Variants in FOXO3 observed in about 807,000 individuals in gnomAD.
The protein encoded by FOXO3 is forkhead box O3, also known as forkhead box protein O3.
Under a neutral mutation model 41.9 loss-of-function variants are expected in FOXO3, and 4 were observed. That is an observed-to-expected ratio of 0.10 (90% CI 0.05 to 0.22). The LOEUF is 0.22. Ranked by LOEUF, FOXO3 falls within the 10% of genes least tolerant of loss-of-function variation. The pLI is 1.00. For synonymous variants in FOXO3, 318 were observed against 389.3 expected (o/e 0.82, Z 2.16); for missense variants, 534 against 906.8 (o/e 0.59, Z 5.28).
chr6:108,678,037 C>A (rs1308070541), intron 2 of FOXO3, among the ~76,000 whole-genome samples: 1 of 152,182 alleles, frequency 6.6e-6, no homozygotes, highest in Non-Finnish European at 1.5e-5. Context: ...GTAAAACAAC[C>A]TAAATTCTTC....
chr6:108,674,333 T>C (rs531108725), intron 2 of FOXO3, among the ~76,000 whole-genome samples: 2 of 152,302 alleles, frequency 1.3e-5, no homozygotes, highest in African/African-American at 4.8e-5. Context: ...TTATAGTGCA[T>C]CCATTTAGTA....
chr6:108,560,380 C>T (rs1256539333), upstream of FOXO3, among the ~76,000 whole-genome samples: 1 of 152,236 alleles, frequency 6.6e-6, no homozygotes, highest in African/African-American at 2.4e-5. Context: ...TGGCCGTCCC[C>T]GCCGGGCTCG....
At chr6:108,616,338 T>A (rs555635038) in intron 1 of FOXO3, among the ~76,000 whole-genome samples, 24 of 152,058 alleles carry the variant, frequency 1.6e-4, no homozygotes, top group Middle Eastern at 3.4e-3. Context: ...CTAATTTTTT[T>A]ATTTTTTAGA....
intron 1 of FOXO3, among the ~76,000 whole-genome samples, chr6:108,565,049 C>A (rs1263415792): frequency 6.6e-6 from 1 of 152,044 alleles, no homozygotes; most frequent in Non-Finnish European, 1.5e-5. Context: ...ACATAAGTAG[C>A]GCTTGCTTTC....
chr6:108,587,365 T>G (rs1449998400), intron 1 of FOXO3, among the ~76,000 whole-genome samples: 1 of 152,142 alleles, frequency 6.6e-6, no homozygotes, highest in African/African-American at 2.4e-5. Context: ...TAGGGAAGAA[T>G]CGGTCCCAAA....
chr6:108,649,388 C>T lies in FOXO3; in HGVS notation c.622-14067C>T, dbSNP rs187597843. ...TGAAAGATAGTCTAGAACAAAGACC[C>T]GTCAGTACTTTGCTTGACAAAGCAA... On this transcript the variant is annotated intron_variant, in intron 1 of 2. Transcript: ENST00000406360. Among the ~76,000 whole-genome samples, 13 of 152,230 alleles carry T rather than the reference C, an allele frequency of 8.5e-5. No individual in the cohort carries two copies. The East Asian group carries it at 2.3e-3, about 27-fold the overall frequency.
chr6:108,612,356 A>AT (rs1038515880), intron 1 of FOXO3, among the ~76,000 whole-genome samples: 2 of 152,002 alleles, frequency 1.3e-5, no homozygotes, highest in Non-Finnish European at 2.9e-5. Flanking sequence ...AGTTCTTAGG[A>AT]TTTTTTTACA....
chr6:108,610,881 A>G (rs918583477), intron 1 of FOXO3, among the ~76,000 whole-genome samples: 10 of 152,224 alleles, frequency 6.6e-5, no homozygotes, highest in Non-Finnish European at 4.4e-5. Flanking sequence ...TGTAATTTGA[A>G]AACACTGAAA....
chr6:108,633,431 A>G (rs1399600764), intron 1 of FOXO3, among the ~76,000 whole-genome samples: 1 of 152,208 alleles, frequency 6.6e-6, no homozygotes, highest in Non-Finnish European at 1.5e-5. Flanking sequence ...TCAAGAATGT[A>G]GCACTTAAGA....
intron 1 of FOXO3, among the ~76,000 whole-genome samples, chr6:108,662,293 A>G (rs1778890210): frequency 6.6e-6 from 1 of 152,202 alleles, no homozygotes; most frequent in South Asian, 2.1e-4. Flanking sequence ...GGTACATATT[A>G]TCAGCTCATC....
chr6:108,568,703 A>G (rs1208431465), intron 1 of FOXO3, among the ~76,000 whole-genome samples: 1 of 152,110 alleles, frequency 6.6e-6, no homozygotes, highest in East Asian at 1.9e-4. Flanking sequence ...AGCTGGTGTC[A>G]TGAGTGGAGT....
intron 1 of FOXO3, among the ~76,000 whole-genome samples, chr6:108,576,903 A>G (rs147220437): frequency 6.6e-6 from 1 of 152,150 alleles, no homozygotes; most frequent in African/African-American, 2.4e-5. Context: ...TTGTTACCTC[A>G]TGTGTCTGTG....
At chr6:108,630,024 G>GTTCTT (rs1777920730) in intron 1 of FOXO3, among the ~76,000 whole-genome samples, 1 of 152,316 alleles carries the variant, frequency 6.6e-6, no homozygotes, top group East Asian at 1.9e-4. Context: ...AACATGACCA[G>GTTCTT]TTCTTTTCTA....
At chr6:108,576,223 T>G (rs1776257728) in intron 1 of FOXO3, among the ~76,000 whole-genome samples, 1 of 152,224 alleles carries the variant, frequency 6.6e-6, no homozygotes, top group African/African-American at 2.4e-5. Flanking sequence ...ATCAGTCCTA[T>G]TTAGTCTCCT....
intron 1 of FOXO3, among the ~76,000 whole-genome samples, chr6:108,599,828 T>TA (rs1368787584): frequency 6.6e-6 from 1 of 152,214 alleles, no homozygotes; most frequent in Non-Finnish European, 1.5e-5. Context: ...CCATCCCACT[T>TA]ACTTTTGACT....
Position 108,684,120 on chromosome 6 carries a change from C to A in FOXO3, c.*4328C>A, listed in dbSNP as rs969019154. 6.6e-6 allele frequency: 1 copy of A among 152,550 alleles called. No individual in the cohort carries two copies. Among genetic ancestry groups the A allele is most frequent in the Non-Finnish European group, 1.5e-5 (1 of 68,030 alleles). 9.4% of individuals were successfully genotyped at this position (152,550 alleles called of 1,614,324 possible). ...GGCCTCTTGCCACACTCCAGAAATA[C>A]GTGTGCGGCTGCTTTTAAGAACTAT... is the stretch of plus-strand genomic sequence containing the variant. On this transcript the variant is annotated 3_prime_UTR_variant, in exon 3 of 3. Coordinates refer to ENST00000406360, the MANE Select transcript of FOXO3 (RefSeq NM_001455.4).
intron 1 of FOXO3, among the ~76,000 whole-genome samples, chr6:108,622,324 G>A (rs1322945545): frequency 1.3e-5 from 2 of 151,696 alleles, no homozygotes; most frequent in Non-Finnish European, 2.9e-5. Context: ...AGAGCTGGAG[G>A]GTCAGGAGAG....
Position 108,561,422 on chromosome 6 carries a change from C to G in FOXO3, c.214C>G (p.Arg72Gly). 6.5e-7 allele frequency: 1 copy of G among 1,538,266 alleles called. No individual in the cohort carries two copies. Among genetic ancestry groups the G allele is most frequent in the Non-Finnish European group, 8.7e-7 (1 of 1,144,306 alleles). The change falls in exon 1 of 3, where the codon CGG (arginine) becomes GGG (glycine). Residue 72 changes from arginine (R) to glycine (G), a missense_variant. Physicochemically the swap from Arg to Gly is moderately radical, Grantham distance 125 (BLOSUM62 -2). This residue lies in a region of FOXO3 where 139 missense variants were observed against 163.7 expected (regional missense o/e 0.85). Coordinates refer to ENST00000406360, the MANE Select transcript of FOXO3 (RefSeq NM_001455.4). ...DDEDDEDGGGRAGSAMAIGGG... is the reference protein window; with the variant it reads ...DDEDDEDGGGGAGSAMAIGGG... The stretch of plus-strand genomic sequence containing the variant: ...TGAAGACGACGAGGACGGCGGGGGA[C>G]GGGCCGGCTCGGCCATGGCGATCGG...
chr6:108,613,567 G>C (rs914564124), intron 1 of FOXO3, among the ~76,000 whole-genome samples: 2 of 152,222 alleles, frequency 1.3e-5, no homozygotes, highest in Non-Finnish European at 2.9e-5. Flanking sequence ...TATATCATCT[G>C]TAGTGATTTC....
Sources: allele counts gnomAD v4.1 joint callset (sites outside exome capture counted in the v4.1 genomes callset), GRCh38; gene constraint gnomAD v4.1.1; regional missense constraint gnomAD v4.1.1; transcripts MANE v1.5; gene names NCBI Gene and HGNC (gene_info 2026-07-23, HGNC 2026-07-21).